Variants in TSPEAR observed in about 807,000 individuals in gnomAD.
TSPEAR encodes the protein thrombospondin type laminin G domain and EAR repeats.
Under a neutral mutation model 71.6 loss-of-function variants are expected in TSPEAR, and 69 were observed. That is an observed-to-expected ratio of 0.96 (90% confidence interval 0.79 to 1.18). The LOEUF is 1.18. Ranked by LOEUF, TSPEAR falls within the 50% of genes most tolerant of loss-of-function variation. The pLI, the probability that TSPEAR is intolerant of heterozygous loss-of-function variation, is 0.00. For missense variants in TSPEAR, 971 were observed against 894.9 expected, an observed-to-expected ratio of 1.09 and a Z score of -1.09; for synonymous variants, 402 against 387.2, an observed-to-expected ratio of 1.04 and a Z score of -0.45.
chr21:44,621,150 T>C (rs782432677), intron 1 of TSPEAR, among the ~76,000 whole-genome samples: 1 of 152,210 alleles, frequency 6.6e-6, no homozygotes, highest in Non-Finnish European at 1.5e-5. Context: ...GTTGTGTGTT[T>C]TTGCACATAT....
At chr21:44,536,525 G>A (rs781961905) in intron 2 of TSPEAR, among the ~76,000 whole-genome samples, 4 of 152,166 alleles carry the variant, frequency 2.6e-5, no homozygotes, top group Non-Finnish European at 5.9e-5. Flanking sequence ...ATAGCAAAAA[G>A]GAAATAGAAA....
intron 1 of TSPEAR, among the ~76,000 whole-genome samples, chr21:44,631,770 A>G (rs1321949671): frequency 2.6e-5 from 4 of 152,344 alleles, no homozygotes; most frequent in African/African-American, 9.6e-5. Context: ...ACAGAGTTTA[A>G]CTGGCCTGTA....
chr21:44,603,460 G>C (rs1446499981), intron 1 of TSPEAR, among the ~76,000 whole-genome samples: 1 of 152,258 alleles, frequency 6.6e-6, no homozygotes, highest in East Asian at 1.9e-4. Context: ...AGAGAAGCAC[G>C]TCCTCCTCTG....
rs369819047 is a variant in TSPEAR, at chr21:44,637,786, C to G, written c.83-69781G>C. 10 of 1,358,388 alleles carry G rather than the reference C, an allele frequency of 7.4e-6. No homozygotes were observed. The African/African-American group carries it at 1.6e-4, about 22-fold the overall frequency. The allele number at this position is 1,358,388 out of a possible 1,614,324, so 84.1% of individuals were successfully genotyped here. On this transcript the variant is annotated intron_variant, in intron 1 of 11. Coordinates refer to ENST00000323084, the MANE Select transcript of TSPEAR (RefSeq NM_144991.3). The stretch of plus-strand genomic sequence containing the variant: ...TCGTGCCTACCTGCTCCGAGTCTTC[C>G]CCTTCATGCTGCCAGCAGTCTAGCT...
chr21:44,637,374 C>T (rs782762285), intron 1 of TSPEAR: 3 of 1,578,630 alleles, frequency 1.9e-6, no homozygotes, highest in East Asian at 4.5e-5. Flanking sequence ...CACACACTCA[C>T]TCACTCACAC....
chr21:44,530,108 A>G (rs1223064490), intron 4 of TSPEAR, among the ~76,000 whole-genome samples, 154 bp from the exon 5 acceptor site: 1 of 152,182 alleles, frequency 6.6e-6, no homozygotes, highest in Non-Finnish European at 1.5e-5. Context: ...AGTTTACATG[A>G]TGGTTACTGA....
At chr21:44,653,330 G>A (rs1428078955) in intron 1 of TSPEAR, among the ~76,000 whole-genome samples, 2 of 152,074 alleles carry the variant, frequency 1.3e-5, no homozygotes, top group Non-Finnish European at 2.9e-5. Context: ...TGATCTGCAC[G>A]TGCTGACCTC....
intron 1 of TSPEAR, among the ~76,000 whole-genome samples, chr21:44,650,856 G>C (rs1257862076): frequency 3.3e-5 from 5 of 152,210 alleles, no homozygotes; most frequent in Non-Finnish European, 7.3e-5. Context: ...GAGATCCCCA[G>C]AGGTGGACGG....
chr21:44,657,463 T>C, intron 1 of TSPEAR, among the ~76,000 whole-genome samples: 1 of 152,206 alleles, frequency 6.6e-6, no homozygotes, highest in East Asian at 1.9e-4. Flanking sequence ...AGACAACACA[T>C]AAACTAATGA....
intron 1 of TSPEAR, chr21:44,637,456 C>T: frequency 6.2e-7 from 1 of 1,612,758 alleles, no homozygotes; most frequent in Non-Finnish European, 8.5e-7. Context: ...CCAGCGCCTG[C>T]ACTGACTCTT....
rs59452363 is a variant in TSPEAR, at chr21:44,674,731, AGTGTGTGTGTGTGTGTGTGTGT to A, written c.82+36680_82+36701del. 8.4e-3 allele frequency among the ~76,000 whole-genome samples: 1,074 copies of A among 127,148 alleles called. 14 individuals carry two copies. The highest frequency in any genetic ancestry group is 0.028 in the African/African-American group (954 of 33,574). 83.4% of individuals were successfully genotyped at this position (127,148 alleles called of 152,430 possible). ...TGACAAAGGGAGACTCTGTCTTTAA[AGTGTGTGTGTGTGTGTGTGTGT>A]GTGTGTGTGTGTGTGTGTGTGTGTG... On this transcript the variant is annotated intron_variant, in intron 1 of 11. Transcript: ENST00000323084.
At position 44,689,737 on chromosome 21, in the gene TSPEAR, A is replaced by ATTTT. The variant is rs1310914900; in HGVS notation, c.82+21695_82+21696insAAAA. Among the ~76,000 whole-genome samples, 7 of 127,154 alleles carry ATTTT rather than the reference A, an allele frequency of 5.5e-5. 1 individual carries two copies. Among genetic ancestry groups the ATTTT allele is most frequent in the African/African-American group, 2.2e-4 (7 of 31,176 alleles). 83.4% of individuals were successfully genotyped at this position (127,154 alleles called of 152,430 possible). ...AATATATATATATATATATATATATATATTTTGGGGGGGGTTACTAAGTAT... is the reference window on the plus strand; with the variant it reads ...AATATATATATATATATATATATATATTTTTATTTTGGGGGGGGTTACTAAGTAT... On this transcript the variant is annotated intron_variant, in intron 1 of 11. Coordinates refer to ENST00000323084, the MANE Select transcript of TSPEAR (RefSeq NM_144991.3).
Position 44,518,743 on chromosome 21 carries a change from G to A in TSPEAR, c.1566+3140C>T. 1.5e-5 allele frequency: 7 copies of A among 467,446 alleles called. No individual in the cohort carries two copies. The Middle Eastern group carries it at 2.3e-3, about 153-fold the overall frequency. The allele number at this position is 467,446 out of a possible 1,614,324, so 29.0% of individuals were successfully genotyped here. A position where few individuals can be genotyped will look rare whatever the true frequency, so the allele number is the denominator to read the frequency against. ...GTCTTCTTTCAGGATAAAGCCTCAA[G>A]TCCTGCAACTATTCCTTGTGTGATA... On this transcript the variant is annotated intron_variant, in intron 9 of 11. Coordinates refer to ENST00000323084, the MANE Select transcript of TSPEAR (RefSeq NM_144991.3).
At chr21:44,541,518 A>G (rs1050056726) in intron 2 of TSPEAR, among the ~76,000 whole-genome samples, 1 of 152,202 alleles carries the variant, frequency 6.6e-6, no homozygotes, top group Admixed American at 6.5e-5. Context: ...TTAGAGAGAA[A>G]CTGCACAGAA....
intron 1 of TSPEAR, chr21:44,646,782 CT>C: frequency 6.2e-7 from 1 of 1,613,090 alleles, no homozygotes; most frequent in Non-Finnish European, 8.5e-7. Context: ...GCAAGACTGT[CT>C]GCTGCAAGCC....
chr21:44,544,295 A>T (rs2053266714), intron 2 of TSPEAR, among the ~76,000 whole-genome samples: 1 of 125,228 alleles, frequency 8.0e-6, no homozygotes, highest in South Asian at 2.3e-4. Context: ...TAATCATAAT[A>T]AGACAAAAAA....
At chr21:44,708,202 G>T (rs1429357559) in intron 1 of TSPEAR, among the ~76,000 whole-genome samples, 3 of 152,128 alleles carry the variant, frequency 2.0e-5, no homozygotes, top group Non-Finnish European at 4.4e-5. Context: ...CAGCAGGGGG[G>T]ACTGCAGGCT....
Position 44,574,155 on chromosome 21 carries a change from T to A in TSPEAR, c.83-6150A>T, listed in dbSNP as rs376475986. ...CTGTGTGCCCGTCTGCTGTGGGGAT[T>A]CTTCATGCTGCCAGCAGTCTAGCTG... On this transcript the variant is annotated intron_variant, in intron 1 of 11. Coordinates refer to ENST00000323084, the MANE Select transcript of TSPEAR (RefSeq NM_144991.3). 6.9e-6 allele frequency: 11 copies of A among 1,591,806 alleles called. No homozygotes were observed. The African/African-American group carries it at 1.4e-4, about 20-fold the overall frequency.
rs587655822 is a variant in TSPEAR, at chr21:44,617,122, T to C, written c.83-49117A>G. The stretch of plus-strand genomic sequence containing the variant: ...CTCATGCCTCCCCCAGCTCACCTCC[T>C]CCACACCCCCAGCATGGCCACGTCC... On this transcript the variant is annotated intron_variant, in intron 1 of 11. Transcript: ENST00000323084. 4.6e-5 allele frequency among the ~76,000 whole-genome samples: 7 copies of C among 152,144 alleles called. No individual in the cohort carries two copies. In the South Asian group the frequency reaches 1.5e-3, roughly 32 times the overall value.
Sources: gnomAD v4.1 joint callset for allele counts (sites outside exome capture counted in the v4.1 genomes callset) on GRCh38, gnomAD v4.1.1 for gene constraint, MANE v1.5 for transcripts, NCBI Gene and HGNC (gene_info 2026-07-23, HGNC 2026-07-21) for gene names.